The following C1orf21 variants were observed in gnomAD, a reference collection of about 807,000 sequenced individuals.
C1orf21 encodes the protein uncharacterized protein C1orf21.
C1orf21 carries 3 observed loss-of-function variants against 18.7 expected under a neutral mutation model. The ratio of observed to expected loss-of-function variants is 0.16; its 90% confidence interval spans 0.07 to 0.42. C1orf21 has a LOEUF of 0.42. Ranked by LOEUF, C1orf21 falls within the 10% of genes least tolerant of loss-of-function variation. The pLI is 0.99. For missense variants in C1orf21, 104 were observed against 143.6 expected (o/e 0.72, Z 1.41); for synonymous variants, 41 against 46.4 (o/e 0.88, Z 0.47).
At chr1:184,575,623 A>G (rs1659174909) in intron 3 of C1orf21, among the ~76,000 whole-genome samples, 1 of 150,320 alleles carries the variant, frequency 6.7e-6, no homozygotes, top group Non-Finnish European at 1.5e-5. Flanking sequence ...AAAAAAAAAA[A>G]AAAAAAAAGA....
At chr1:184,523,284 A>G (rs1658331684) in intron 3 of C1orf21, among the ~76,000 whole-genome samples, 1 of 152,190 alleles carries the variant, frequency 6.6e-6, no homozygotes, top group Admixed American at 6.5e-5. Context: ...TAATGTCAGT[A>G]GTGATAAGTC....
At chr1:184,461,804 C>T (rs986407529) in intron 1 of C1orf21, among the ~76,000 whole-genome samples, 4 of 152,014 alleles carry the variant, frequency 2.6e-5, no homozygotes, top group Non-Finnish European at 5.9e-5. Flanking sequence ...CAGCCTCGCA[C>T]GTTTCATTTA....
At chr1:184,578,603 C>T (rs1445500079) in intron 3 of C1orf21, among the ~76,000 whole-genome samples, 1 of 152,098 alleles carries the variant, frequency 6.6e-6, no homozygotes, top group Non-Finnish European at 1.5e-5. Flanking sequence ...CATTTTGGCC[C>T]AGTTTAAATC....
intron 1 of C1orf21, among the ~76,000 whole-genome samples, chr1:184,472,411 G>A (rs766233715): frequency 3.2e-4 from 48 of 152,034 alleles, no homozygotes; most frequent in Non-Finnish European, 6.3e-4. Context: ...TTTATGGAAT[G>A]TATCACTTTT....
At chr1:184,527,853 C>T (rs2101971855) in intron 3 of C1orf21, among the ~76,000 whole-genome samples, 1 of 152,286 alleles carries the variant, frequency 6.6e-6, no homozygotes, top group East Asian at 1.9e-4. Context: ...AAAGCACTAA[C>T]ACAATGCTTG....
intron 5 of C1orf21, among the ~76,000 whole-genome samples, chr1:184,607,219 T>C (rs976678015): frequency 6.6e-6 from 1 of 152,202 alleles, no homozygotes; most frequent in African/African-American, 2.4e-5. Context: ...TAGAGATGCA[T>C]AATCATACCC....
intron 1 of C1orf21, among the ~76,000 whole-genome samples, chr1:184,402,612 GT>G (rs1656174157): frequency 8.0e-6 from 1 of 125,286 alleles, no homozygotes; most frequent in Non-Finnish European, 1.5e-5. Context: ...GCAAGACCCT[GT>G]CTCAAAAAAA....
chr1:184,460,369 A>C (rs1657283006), intron 1 of C1orf21, among the ~76,000 whole-genome samples: 1 of 152,224 alleles, frequency 6.6e-6, no homozygotes, highest in African/African-American at 2.4e-5. Context: ...TAGACATTCA[A>C]TAGAAGTTGA....
intron 3 of C1orf21, among the ~76,000 whole-genome samples, chr1:184,539,208 G>C (rs1185558101): frequency 1.3e-5 from 2 of 152,162 alleles, no homozygotes; most frequent in East Asian, 1.9e-4. Context: ...TCATGAAAGG[G>C]TGTTGAGTTT....
chr1:184,425,869 TC>T (rs1013675329), intron 1 of C1orf21, among the ~76,000 whole-genome samples: 37 of 152,362 alleles, frequency 2.4e-4, no homozygotes, highest in African/African-American at 8.7e-4. Flanking sequence ...ATTTGTTATG[TC>T]CACACTTCCG....
At chr1:184,482,522 T>C (rs1047686271) in intron 2 of C1orf21, among the ~76,000 whole-genome samples, 2 of 152,250 alleles carry the variant, frequency 1.3e-5, no homozygotes, top group Non-Finnish European at 2.9e-5. Context: ...TATGACTCCA[T>C]GACTGGGATA....
At position 184,623,496 on chromosome 1, in the gene C1orf21, A is replaced by G. The variant is rs770674697; in HGVS notation, c.*3940A>G. The G allele has an allele frequency of 6.6e-6, 1 of 151,920 alleles. No homozygotes were observed. Among genetic ancestry groups the G allele is most frequent in the Non-Finnish European group, 1.5e-5 (1 of 67,952 alleles). The allele number at this position is 151,920 out of a possible 1,614,324, so 9.4% of individuals were successfully genotyped here. On this transcript the variant is annotated 3_prime_UTR_variant, in exon 6 of 6. Coordinates refer to ENST00000235307, the MANE Select transcript of C1orf21 (RefSeq NM_030806.4). ...CTTTTTCTTGTTTAAAACCCCAACC[A>G]AAAAAAATAATAAGGCATGATTGGT...
At chr1:184,498,525 C>T (rs568563052) in intron 2 of C1orf21, among the ~76,000 whole-genome samples, 1 of 152,230 alleles carries the variant, frequency 6.6e-6, no homozygotes, top group African/African-American at 2.4e-5. Context: ...CCGTCAGTCT[C>T]GATGGCAGTG....
chr1:184,534,114 C>G (rs1424975469), intron 3 of C1orf21, among the ~76,000 whole-genome samples: 1 of 152,188 alleles, frequency 6.6e-6, no homozygotes, highest in African/African-American at 2.4e-5. Context: ...TTTCCCGTCT[C>G]TGATAATAAT....
chr1:184,426,049 G>C (rs1656632433), intron 1 of C1orf21, among the ~76,000 whole-genome samples: 1 of 152,194 alleles, frequency 6.6e-6, no homozygotes, highest in Non-Finnish European at 1.5e-5. Context: ...TTTCCCTTCT[G>C]GCATCATCCC....
chr1:184,388,799 A>G (rs924956342), intron 1 of C1orf21, among the ~76,000 whole-genome samples: 7 of 152,146 alleles, frequency 4.6e-5, no homozygotes, highest in African/African-American at 1.7e-4. Flanking sequence ...AGAAACAAAC[A>G]TAGGTGGAGT....
intron 1 of C1orf21, among the ~76,000 whole-genome samples, chr1:184,440,513 A>G (rs1656926811): frequency 1.3e-5 from 2 of 150,576 alleles, no homozygotes; most frequent in Admixed American, 1.3e-4. Context: ...CAGCCTCCCA[A>G]AGTGCTGGGA....
chr1:184,508,776 A>G (rs1489058076), intron 3 of C1orf21, among the ~76,000 whole-genome samples: 1 of 152,160 alleles, frequency 6.6e-6, no homozygotes, highest in Non-Finnish European at 1.5e-5. Flanking sequence ...CATAAATGGG[A>G]TTTGGATTTT....
chr1:184,486,902 G>A (rs192570429), intron 2 of C1orf21, among the ~76,000 whole-genome samples: 93 of 152,288 alleles, frequency 6.1e-4, no homozygotes, highest in Admixed American at 5.6e-3. Context: ...AAGTCCCTTT[G>A]GTTTTCTTCA....
Sources: allele counts gnomAD v4.1 joint callset (sites outside exome capture counted in the v4.1 genomes callset), GRCh38; gene constraint gnomAD v4.1.1; transcripts MANE v1.5; gene names NCBI Gene and HGNC (gene_info 2026-07-23, HGNC 2026-07-21).